SRSF4: variants seen among roughly 807,000 people sequenced by gnomAD.
SRSF4 encodes the protein serine and arginine rich splicing factor 4.
In SRSF4, 12 loss-of-function variants were observed where a neutral mutation model predicts 48.8. That is an observed-to-expected ratio of 0.25 (90% confidence interval 0.16 to 0.40). SRSF4 has a LOEUF of 0.40. SRSF4 is among the 10% of genes least tolerant of loss of function. The pLI is 1.00. For synonymous variants in SRSF4, 248 were observed against 232.5 expected, an observed-to-expected ratio of 1.07 and a Z score of -0.61; for missense variants, 466 against 667.1, an observed-to-expected ratio of 0.70 and a Z score of 3.32.
At chr1:29,178,196 G>A (rs1275723973) in intron 1 of SRSF4, among the ~76,000 whole-genome samples, 3 of 151,714 alleles carry the variant, frequency 2.0e-5, no homozygotes, top group African/African-American at 4.8e-5. Flanking sequence ...CACCGTGACC[G>A]GTCTAGACAA....
At chr1:29,164,956 A>G (rs1307678681) in intron 1 of SRSF4, among the ~76,000 whole-genome samples, 1 of 152,202 alleles carries the variant, frequency 6.6e-6, no homozygotes, top group Non-Finnish European at 1.5e-5. Flanking sequence ...CAGCAACAAG[A>G]TGCTCAAATT....
chr1:29,148,365 T>G lies in SRSF4; in HGVS notation c.*45A>C, dbSNP rs778563260. On this transcript the variant is annotated 3_prime_UTR_variant, in exon 6 of 6. Coordinates refer to ENST00000373795, the MANE Select transcript of SRSF4 (RefSeq NM_005626.5). ...TCACTTGTGCTACGGCTACCAAACA[T>G]GTACAAAAGACTTCTCGGGTAGTTC... 6.4e-7 allele frequency: 1 copy of G among 1,553,590 alleles called. No individual in the cohort carries two copies. Among genetic ancestry groups the G allele is most frequent in the Non-Finnish European group, 8.7e-7 (1 of 1,150,498 alleles).
chr1:29,174,987 T>TTA (rs1672815221), intron 1 of SRSF4, among the ~76,000 whole-genome samples: 1 of 134,170 alleles, frequency 7.5e-6, no homozygotes, highest in Non-Finnish European at 1.6e-5. Context: ...GTTTTTTAAT[T>TTA]AAAAAAAAAA....
At chr1:29,175,072 A>G (rs943923434) in intron 1 of SRSF4, among the ~76,000 whole-genome samples, 2 of 152,224 alleles carry the variant, frequency 1.3e-5, no homozygotes, top group African/African-American at 4.8e-5. Context: ...AAAACTAAAA[A>G]ACCCAAAATG....
intron 1 of SRSF4, among the ~76,000 whole-genome samples, chr1:29,161,050 G>A (rs1672587623): frequency 6.6e-6 from 1 of 152,036 alleles, no homozygotes; most frequent in African/African-American, 2.4e-5. Context: ...AAAAAGACTG[G>A]AGCTGTTTAC....
intron 1 of SRSF4, among the ~76,000 whole-genome samples, chr1:29,164,560 T>C (rs1250564656): frequency 2.0e-5 from 3 of 152,250 alleles, no homozygotes; most frequent in Non-Finnish European, 2.9e-5. Context: ...CTGGTGTGAC[T>C]TGTGAATAAG....
intron 1 of SRSF4, among the ~76,000 whole-genome samples, chr1:29,175,865 A>C (rs1183684466): frequency 6.6e-6 from 1 of 152,162 alleles, no homozygotes; most frequent in East Asian, 1.9e-4. Context: ...TTAATCCAGA[A>C]CCAAATGTCT....
At position 29,148,423 on chromosome 1, in the gene SRSF4, T is replaced by A. The variant is rs1218690783; in HGVS notation, c.1472A>T (p.His491Leu). 2.5e-6 allele frequency: 4 copies of A among 1,599,014 alleles called. No homozygotes were observed. Among genetic ancestry groups the A allele is most frequent in the Non-Finnish European group, 3.4e-6 (4 of 1,171,812 alleles). ...GGCCATAGCCAGTTAGGACCTTGAG[T>A]GGGACCTAGATCTAGATCGGGAGGG... ...RSPSRSRSRS[H>L]SRS The change falls in exon 6 of 6, where the codon CAC (histidine) becomes CTC (leucine). Residue 491 changes from histidine (H) to leucine (L), a missense_variant. Physicochemically the swap from His to Leu is moderately conservative, Grantham distance 99 (BLOSUM62 -3). Around this residue, in one of 2 missense-constraint regions of SRSF4, gnomAD observed 402 missense variants for 437.0 expected, o/e 0.92. Transcript: ENST00000373795.
intron 1 of SRSF4, chr1:29,169,873 GA>G (rs1218751128): frequency 1.3e-5 from 2 of 152,296 alleles, no homozygotes; most frequent in East Asian, 3.9e-4. Flanking sequence ...AGGTAGAGAG[GA>G]ATCTGCATCA....
At chr1:29,155,146 T>C (rs1199387814) in intron 3 of SRSF4, among the ~76,000 whole-genome samples, 1 of 152,128 alleles carries the variant, frequency 6.6e-6, no homozygotes, top group Non-Finnish European at 1.5e-5. Context: ...AATAAAGTTT[T>C]GGGGCCAAGT....
intron 1 of SRSF4, among the ~76,000 whole-genome samples, chr1:29,165,415 A>G (rs1286318188): frequency 6.6e-6 from 1 of 152,226 alleles, no homozygotes; most frequent in African/African-American, 2.4e-5. Context: ...TAAGACTTCA[A>G]CTTTTGAAAT....
chr1:29,150,023 G>T, intron 5 of SRSF4, 80 bp downstream of exon 5: 1 of 1,111,640 alleles, frequency 9.0e-7, no homozygotes, highest in South Asian at 1.4e-5. Context: ...GTGTCTCTTT[G>T]AAAAAAAAAA....
chr1:29,177,557 C>T (rs184118281), intron 1 of SRSF4, among the ~76,000 whole-genome samples: 63 of 152,260 alleles, frequency 4.1e-4, no homozygotes, highest in Admixed American at 3.7e-3. Context: ...GCCGGGGTTA[C>T]AGGTGTGAGC....
chr1:29,181,509 C>A (rs945859669), intron 1 of SRSF4, 137 bp downstream of exon 1: 2 of 698,816 alleles, frequency 2.9e-6, no homozygotes, highest in Non-Finnish European at 4.4e-6. Flanking sequence ...GCCCCCGAGG[C>A]GCCGCCACTA....
At chr1:29,178,896 A>G (rs1574205425) in intron 1 of SRSF4, among the ~76,000 whole-genome samples, 1 of 152,154 alleles carries the variant, frequency 6.6e-6, no homozygotes, top group East Asian at 1.9e-4. Context: ...TGATTCCTCA[A>G]TGATGCCAGG....
intron 1 of SRSF4, among the ~76,000 whole-genome samples, chr1:29,166,327 C>T (rs1391472779): frequency 6.6e-6 from 1 of 152,200 alleles, no homozygotes; most frequent in Admixed American, 6.5e-5. Flanking sequence ...TTCTTGCTGT[C>T]TGCATAAAGT....
At position 29,149,687 on chromosome 1, in the gene SRSF4, GGAAAAAA is replaced by G. The variant is rs1288576770; in HGVS notation, c.668+409_668+415del. Among the ~76,000 whole-genome samples the G allele has an allele frequency of 3.2e-5, 3 of 92,528 alleles. No homozygotes were observed. In the East Asian group the frequency reaches 8.5e-4, roughly 26 times the overall value. The allele number at this position is 92,528 out of a possible 152,430, so 60.7% of individuals were successfully genotyped here. A position where few individuals can be genotyped will look rare whatever the true frequency, so the allele number is the denominator to read the frequency against. ...CAGAGCGAGACTCTGTCTTGAGGGG[GGAAAAAA>G]AAAAAAAAAAAGAAAAAGAAGCTGG... On this transcript the variant is annotated intron_variant, in intron 5 of 5. Coordinates refer to ENST00000373795, the MANE Select transcript of SRSF4 (RefSeq NM_005626.5).
At chr1:29,177,267 T>C (rs1672883422) in intron 1 of SRSF4, among the ~76,000 whole-genome samples, 1 of 151,146 alleles carries the variant, frequency 6.6e-6, no homozygotes. Context: ...CTCCCTTCCC[T>C]ACAGTAACTC....
intron 1 of SRSF4, chr1:29,172,278 T>C (rs1370986026): frequency 6.6e-6 from 1 of 152,184 alleles, no homozygotes; most frequent in African/African-American, 2.4e-5. Flanking sequence ...TTTCACTTGG[T>C]AAATTAGCAT....
Sources: gnomAD v4.1 joint callset for allele counts (sites outside exome capture counted in the v4.1 genomes callset) on GRCh38, gnomAD v4.1.1 for gene constraint, gnomAD v4.1.1 regional missense constraint, MANE v1.5 for transcripts, NCBI Gene and HGNC (gene_info 2026-07-23, HGNC 2026-07-21) for gene names.